Variants in RNF141 observed in about 807,000 individuals in gnomAD.
The protein encoded by RNF141 is C3HC4-like zinc finger protein.
In RNF141, 18 loss-of-function variants were observed where a neutral mutation model predicts 27.4. That is an observed-to-expected ratio of 0.66 (90% confidence interval 0.45 to 0.97). The LOEUF (loss-of-function observed/expected upper bound fraction) is 0.97, where lower values mean the gene tolerates loss of function less well. Among genes scored for constraint, RNF141 ranks in the 50% least tolerant of loss-of-function variants. The probability of loss-of-function intolerance (pLI) is 0.00; values close to 1 mark genes in which losing one functional copy is unlikely to be tolerated. For missense variants in RNF141, 230 were observed against 279.4 expected, an observed-to-expected ratio of 0.82 and a Z score of 1.26; for synonymous variants, 97 against 96.6, an observed-to-expected ratio of 1.00 and a Z score of -0.02.
rs1294935775 is a variant in RNF141 at position 10,513,550 on chromosome 11, A to C, written c.*1366T>G. On this transcript the variant is annotated 3_prime_UTR_variant, in exon 6 of 6. Coordinates refer to ENST00000265981, the MANE Select transcript of RNF141 (RefSeq NM_016422.4). ...TGAAGATCACAATTCCATTATTACT[A>C]TATTGTTTCAGAATATTTTAATGGA... The C allele has an allele frequency of 6.6e-6, 1 of 152,228 alleles. No individual in the cohort carries two copies. Among genetic ancestry groups the C allele is most frequent in the Admixed American group, 6.5e-5 (1 of 15,278 alleles). 9.4% of individuals were successfully genotyped at this position (152,228 alleles called of 1,614,324 possible).
At position 10,534,167 on chromosome 11, in the gene RNF141, G is replaced by A. The variant is rs754222998; in HGVS notation, c.-9C>T. Reference sequence around the variant, plus strand: ...GAAATTTGCTGTCCCATGATGAAAAGATGTCTTTCAAAATCCAGAGTGTTG... The same window carrying A: ...GAAATTTGCTGTCCCATGATGAAAAAATGTCTTTCAAAATCCAGAGTGTTG... On this transcript the variant is annotated 5_prime_UTR_variant, in exon 2 of 6. Transcript: ENST00000265981. The A allele has an allele frequency of 6.2e-7, 1 of 1,610,566 alleles. No homozygotes were observed. The highest frequency in any genetic ancestry group is 2.2e-5 in the East Asian group (1 of 44,726).
rs922638393 is a variant in RNF141 at position 10,541,135 on chromosome 11, C to A, written c.-61G>T. On this transcript the variant is annotated 5_prime_UTR_variant, in exon 1 of 6. It removes an upstream start codon present in the reference 5' UTR. Transcript: ENST00000265981. ...CGCGGAGCTCACCCCAGGTTCAAGG[C>A]ATCGCGCACCCTGCGGCAGCGGCTG... 3 of 152,416 alleles carry A rather than the reference C, an allele frequency of 2.0e-5. No homozygotes were observed. Among genetic ancestry groups the A allele is most frequent in the South Asian group, 2.1e-4 (1 of 4,840 alleles). The allele number at this position is 152,416 out of a possible 1,614,324, so 9.4% of individuals were successfully genotyped here.
rs760812378 is a variant in RNF141 at position 10,514,934 on chromosome 11, G to C, written c.675C>G (p.Gly225=). ...NYILNMADEA[G]QPHRP is the part of the protein sequence containing the mutation. ...TTCAAGGTCATGGCCTGTGGGGCTG[G>C]CCTGCCTCATCAGCCATGTTAAGAA... Residue 225 remains glycine, a synonymous_variant, in exon 6 of 6, where the codon GGC becomes GGG. Coordinates refer to ENST00000265981, the MANE Select transcript of RNF141 (RefSeq NM_016422.4). The C allele has an allele frequency of 6.2e-6, 10 of 1,612,872 alleles. No individual in the cohort carries two copies. In the African/African-American group the frequency reaches 1.3e-4, roughly 22 times the overall value.
intron 5 of RNF141, chr11:10,517,790 T>A (rs1458501003): frequency 6.6e-6 from 1 of 152,098 alleles, no homozygotes; most frequent in Non-Finnish European, 1.5e-5. Flanking sequence ...ATTCGGACAT[T>A]CAAGAAGAGC....
chr11:10,523,607 G>A (rs1591497765), intron 4 of RNF141, among the ~76,000 whole-genome samples: 1 of 152,092 alleles, frequency 6.6e-6, no homozygotes, highest in East Asian at 1.9e-4. Context: ...TAGTGTATAA[G>A]GGTATTATTA....
intron 1 of RNF141, among the ~76,000 whole-genome samples, chr11:10,540,234 T>C (rs1850083476): frequency 6.6e-6 from 1 of 152,082 alleles, no homozygotes; most frequent in South Asian, 2.1e-4. Context: ...GTGCTGAAGA[T>C]GTAAGAATTA....
intron 4 of RNF141, among the ~76,000 whole-genome samples, chr11:10,520,352 T>C (rs1849878826): frequency 6.6e-6 from 1 of 152,218 alleles, no homozygotes; most frequent in Non-Finnish European, 1.5e-5. Context: ...ATTTACTTTT[T>C]TACTTTCTAA....
chr11:10,534,198 C>T lies in RNF141; in HGVS notation c.-40G>A. Reference sequence around the variant, plus strand: ...TTTCAAAATCCAGAGTGTTGCTTCACATAGTTTCTGTCAAATATACAGAAA... The same window carrying T: ...TTTCAAAATCCAGAGTGTTGCTTCATATAGTTTCTGTCAAATATACAGAAA... On this transcript the variant is annotated 5_prime_UTR_variant, in exon 2 of 6. The change creates a new upstream start codon in the 5' untranslated region. Coordinates refer to ENST00000265981, the MANE Select transcript of RNF141 (RefSeq NM_016422.4). 3 of 1,598,900 alleles carry T rather than the reference C, an allele frequency of 1.9e-6. No homozygotes were observed. Among genetic ancestry groups the T allele is most frequent in the Non-Finnish European group, 2.6e-6 (3 of 1,172,144 alleles).
In RNF141 at chr11:10,512,378, T is replaced by A. The variant is rs1360293377; in HGVS notation, c.*2538A>T. On this transcript the variant is annotated 3_prime_UTR_variant, in exon 6 of 6. Transcript: ENST00000265981. ...TCATTTATTTATTTGATAAGGCTAA[T>A]AACATTTTATATTCACAGTAGATCA... The A allele has an allele frequency of 6.6e-6, 1 of 152,652 alleles. No individual in the cohort carries two copies. The highest frequency in any genetic ancestry group is 2.4e-5 in the African/African-American group (1 of 41,456). 9.5% of individuals were successfully genotyped at this position (152,652 alleles called of 1,614,324 possible).
rs550149395 is a variant in RNF141, at chr11:10,522,571, A to G, written c.434+2621T>C. ...CCTCCAGTATGTAGACGAGACCCAC[A>G]TAAACAAAGGCCAAAGGAACTGGGG... On this transcript the variant is annotated intron_variant, in intron 4 of 5. Transcript: ENST00000265981. Among the ~76,000 whole-genome samples the G allele has an allele frequency of 4.6e-5, 7 of 152,352 alleles. No individual in the cohort carries two copies. In the South Asian group the frequency reaches 1.0e-3, roughly 23 times the overall value.
chr11:10,518,006 A>C (rs1849856298), intron 5 of RNF141, among the ~76,000 whole-genome samples: 1 of 152,192 alleles, frequency 6.6e-6, no homozygotes, highest in Non-Finnish European at 1.5e-5. Flanking sequence ...AAACTAAAAA[A>C]ATTGGTGACA....
chr11:10,515,423 C>T (rs1849835670), intron 5 of RNF141: 2 of 168,318 alleles, frequency 1.2e-5, no homozygotes, highest in Non-Finnish European at 2.5e-5. Flanking sequence ...ATCGCTATGC[C>T]ATAATTTGTT....
chr11:10,540,525 G>T (rs1173079997), intron 1 of RNF141, among the ~76,000 whole-genome samples: 1 of 152,158 alleles, frequency 6.6e-6, no homozygotes, highest in African/African-American at 2.4e-5. Flanking sequence ...TTCTTAGCCG[G>T]GTCTCAAGGT....
chr11:10,533,267 G>A (rs187392765), intron 2 of RNF141, among the ~76,000 whole-genome samples: 4 of 152,124 alleles, frequency 2.6e-5, no homozygotes, highest in Non-Finnish European at 5.9e-5. Flanking sequence ...GGAACAAAGA[G>A]CCCTATATAT....
At chr11:10,533,256 A>G (rs1850004383) in intron 2 of RNF141, among the ~76,000 whole-genome samples, 1 of 152,200 alleles carries the variant, frequency 6.6e-6, no homozygotes, top group Admixed American at 6.5e-5. Flanking sequence ...GGGGGCATTC[A>G]GGAACAAAGA....
chr11:10,540,803 G>A (rs764281779), intron 1 of RNF141: 13 of 152,234 alleles, frequency 8.5e-5, no homozygotes, highest in Non-Finnish European at 1.8e-4. Context: ...CTGAGCCGGC[G>A]GCAATATTCA....
chr11:10,540,187 G>A (rs1850082961), intron 1 of RNF141, among the ~76,000 whole-genome samples: 2 of 152,108 alleles, frequency 1.3e-5, no homozygotes, highest in African/African-American at 4.8e-5. Flanking sequence ...TTTATAGCAA[G>A]AAGAATGGGC....
chr11:10,536,479 T>C (rs1850038340), intron 1 of RNF141, among the ~76,000 whole-genome samples: 1 of 152,164 alleles, frequency 6.6e-6, no homozygotes, highest in African/African-American at 2.4e-5. Context: ...ATCTAGTGAA[T>C]AATAGGATCA....
At chr11:10,524,643 A>T (rs1849916450) in intron 4 of RNF141, among the ~76,000 whole-genome samples, 1 of 152,228 alleles carries the variant, frequency 6.6e-6, no homozygotes, top group Admixed American at 6.5e-5. Context: ...AAGAAAGTTT[A>T]GATAGAACAA....
Sources: allele counts gnomAD v4.1 joint callset (sites outside exome capture counted in the v4.1 genomes callset), GRCh38; gene constraint gnomAD v4.1.1; transcripts MANE v1.5; gene names NCBI Gene and HGNC (gene_info 2026-07-23, HGNC 2026-07-21).